GALNTL6: variants seen among roughly 807,000 people sequenced by gnomAD.
The protein encoded by GALNTL6 is polypeptide N-acetylgalactosaminyltransferase-like 6.
GALNTL6 carries 46 observed loss-of-function variants against 73.7 expected under a neutral mutation model. The observed-to-expected ratio is 0.62, with a 90% CI of 0.49 to 0.80. The LOEUF (loss-of-function observed/expected upper bound fraction) is 0.80, where lower values mean the gene tolerates loss of function less well. GALNTL6 is among the 30% of genes least tolerant of loss of function. GALNTL6 has a pLI of 0.00. For synonymous variants in GALNTL6, 259 were observed against 263.7 expected (o/e 0.98, Z 0.17); for missense variants, 604 against 755.0 (o/e 0.80, Z 2.34).
At chr4:172,829,533 C>T (rs905927989) in intron 7 of GALNTL6, among the ~76,000 whole-genome samples, 1 of 152,100 alleles carries the variant, frequency 6.6e-6, no homozygotes, top group African/African-American at 2.4e-5. Context: ...CCTCTTGCCT[C>T]TAGAAGGAGA....
chr4:172,423,112 C>T (rs964650137), intron 5 of GALNTL6, among the ~76,000 whole-genome samples: 15 of 151,864 alleles, frequency 9.9e-5, no homozygotes, highest in African/African-American at 3.6e-4. Context: ...AAAATCCCAT[C>T]ACTTCTTGCC....
intron 2 of GALNTL6, among the ~76,000 whole-genome samples, chr4:172,180,157 A>G (rs575181790): frequency 6.6e-6 from 1 of 152,300 alleles, no homozygotes; most frequent in African/African-American, 2.4e-5. Flanking sequence ...GTGAGATGGT[A>G]TCTCATTGTG....
intron 5 of GALNTL6, among the ~76,000 whole-genome samples, chr4:172,689,753 C>G (rs140731175): frequency 6.6e-6 from 1 of 152,174 alleles, no homozygotes; most frequent in East Asian, 1.9e-4. Flanking sequence ...TTAACAGTGT[C>G]CTAGAAATAA....
intron 5 of GALNTL6, among the ~76,000 whole-genome samples, chr4:172,449,625 A>G (rs972389871): frequency 1.3e-5 from 2 of 152,180 alleles, no homozygotes; most frequent in Admixed American, 6.5e-5. Context: ...TCTGTCTACA[A>G]CACTGGCCGT....
At chr4:172,131,406 AATAT>A (rs772791571) in intron 2 of GALNTL6, among the ~76,000 whole-genome samples, 23 of 137,598 alleles carry the variant, frequency 1.7e-4, no homozygotes, top group African/African-American at 5.6e-4. Context: ...ATGCCTTTAA[AATAT>A]ATATATATAT....
At chr4:171,852,112 T>C (rs1236074888) in intron 2 of GALNTL6, among the ~76,000 whole-genome samples, 1 of 152,230 alleles carries the variant, frequency 6.6e-6, no homozygotes, top group Non-Finnish European at 1.5e-5. Flanking sequence ...AGAAAATATC[T>C]AAAGGTACTG....
intron 5 of GALNTL6, among the ~76,000 whole-genome samples, chr4:172,417,339 A>G (rs1344647975): frequency 6.6e-6 from 1 of 152,182 alleles, no homozygotes; most frequent in Non-Finnish European, 1.5e-5. Context: ...ATTCAAGCCT[A>G]AGACCTCAGT....
chr4:172,692,947 C>T (rs1206454304), intron 5 of GALNTL6, among the ~76,000 whole-genome samples: 2 of 152,060 alleles, frequency 1.3e-5, no homozygotes, highest in Non-Finnish European at 2.9e-5. Flanking sequence ...GAAGATCTAG[C>T]CAACCAGTCT....
At chr4:172,874,152 G>A (rs1214800175) in intron 7 of GALNTL6, among the ~76,000 whole-genome samples, 2 of 152,188 alleles carry the variant, frequency 1.3e-5, no homozygotes, top group Admixed American at 6.5e-5. Flanking sequence ...TCCACTCTCC[G>A]CTGGGTATTT....
rs537673569 is a variant in GALNTL6, at chr4:172,078,219, G to T, written c.139-151437G>T. Among the ~76,000 whole-genome samples, 233 of 152,270 alleles carry T rather than the reference G, an allele frequency of 1.5e-3. 1 individual carries two copies. Among genetic ancestry groups the T allele is most frequent in the Admixed American group, 5.5e-3 (84 of 15,294 alleles). On this transcript the variant is annotated intron_variant, in intron 2 of 12. Transcript: ENST00000506823. ...AATGTGGAAGTGATTGGAACATGGGGGCAGATTTCCACCTTGCTATTCTCG... is the reference window on the plus strand; with the variant it reads ...AATGTGGAAGTGATTGGAACATGGGTGCAGATTTCCACCTTGCTATTCTCG...
rs941036897 is a variant in GALNTL6 at position 172,079,993 on chromosome 4, A to G, written c.139-149663A>G. On this transcript the variant is annotated intron_variant, in intron 2 of 12. Transcript: ENST00000506823. The stretch of plus-strand genomic sequence containing the variant: ...CTTAGAAACATCTTTGCTGTCTAAT[A>G]TAGATTATAGACTTATATTTTATGT... Among the ~76,000 whole-genome samples, 9 of 152,240 alleles carry G rather than the reference A, an allele frequency of 5.9e-5. No homozygotes were observed. In the East Asian group the frequency reaches 7.7e-4, roughly 13 times the overall value.
chr4:171,947,533 T>C (rs959582091), intron 2 of GALNTL6, among the ~76,000 whole-genome samples: 4 of 152,164 alleles, frequency 2.6e-5, no homozygotes, highest in Admixed American at 6.5e-5. Flanking sequence ...CCACTTGTAT[T>C]CACAACAGAG....
chr4:171,993,531 T>C (rs1447751022), intron 2 of GALNTL6, among the ~76,000 whole-genome samples: 1 of 152,142 alleles, frequency 6.6e-6, no homozygotes, highest in Non-Finnish European at 1.5e-5. Context: ...AATAACTTTT[T>C]AACAATAGAT....
chr4:172,428,966 G>A (rs527691900), intron 5 of GALNTL6, among the ~76,000 whole-genome samples: 4 of 152,126 alleles, frequency 2.6e-5, no homozygotes, highest in South Asian at 4.1e-4. Context: ...TGGAACATGG[G>A]AAGTCCAAGA....
chr4:172,220,961 A>G (rs1736652882), intron 2 of GALNTL6, among the ~76,000 whole-genome samples: 1 of 152,014 alleles, frequency 6.6e-6, no homozygotes, highest in East Asian at 1.9e-4. Flanking sequence ...TATTTTAGGA[A>G]TATGAAACAG....
intron 5 of GALNTL6, among the ~76,000 whole-genome samples, chr4:172,772,696 G>T (rs1738843831): frequency 6.7e-6 from 1 of 149,520 alleles, no homozygotes; most frequent in African/African-American, 2.4e-5. Context: ...TTTAGAAAGA[G>T]CTTACACTTT....
At chr4:172,371,528 C>G (rs1044861225) in intron 5 of GALNTL6, among the ~76,000 whole-genome samples, 1 of 152,204 alleles carries the variant, frequency 6.6e-6, no homozygotes, top group African/African-American at 2.4e-5. Context: ...ATTTCTCTCT[C>G]TCTTTCTTTC....
intron 2 of GALNTL6, among the ~76,000 whole-genome samples, chr4:171,879,173 T>G (rs184527870): frequency 1.3e-5 from 2 of 152,346 alleles, no homozygotes; most frequent in East Asian, 3.9e-4. Flanking sequence ...AATTATTATT[T>G]GCAAGCACTA....
intron 12 of GALNTL6, among the ~76,000 whole-genome samples, chr4:173,039,129 C>T (rs1432723541): frequency 1.3e-5 from 2 of 152,076 alleles, no homozygotes; most frequent in Non-Finnish European, 2.9e-5. Flanking sequence ...ACTTTCTGTC[C>T]TCGTGGTATA....
Sources: allele counts gnomAD v4.1 joint callset (sites outside exome capture counted in the v4.1 genomes callset), GRCh38; gene constraint gnomAD v4.1.1; transcripts MANE v1.5; gene names NCBI Gene and HGNC (gene_info 2026-07-23, HGNC 2026-07-21).